The following PLXNA2 variants were observed in gnomAD, a reference collection of about 807,000 sequenced individuals.
PLXNA2 encodes plexin A2, also known as plexin-A2.
A neutral mutation model predicts 193.5 loss-of-function variants in PLXNA2; 91 were observed. The ratio of observed to expected loss-of-function variants is 0.47; its 90% confidence interval spans 0.40 to 0.56. The LOEUF (loss-of-function observed/expected upper bound fraction) is 0.56, where lower values mean the gene tolerates loss of function less well. Among genes scored for constraint, PLXNA2 ranks in the 20% least tolerant of loss-of-function variants. The pLI, the probability that PLXNA2 is intolerant of heterozygous loss-of-function variation, is 0.00. For missense variants in PLXNA2, 1,995 were observed against 2,503.2 expected (o/e 0.80, Z 4.33); for synonymous variants, 997 against 1,027.3 (o/e 0.97, Z 0.56).
intron 12 of PLXNA2, among the ~76,000 whole-genome samples, chr1:208,065,539 C>G (rs1253847448): frequency 6.6e-6 from 1 of 152,138 alleles, no homozygotes; most frequent in Non-Finnish European, 1.5e-5. Context: ...CCTGTGTTTC[C>G]CTGCACCTCT....
chr1:208,090,576 C>A (rs1333222305), intron 9 of PLXNA2, among the ~76,000 whole-genome samples: 2 of 152,150 alleles, frequency 1.3e-5, no homozygotes, highest in Non-Finnish European at 2.9e-5. Flanking sequence ...CACACCCCAG[C>A]AGAGTTTATT....
chr1:208,089,877 C>A (rs2498023), intron 9 of PLXNA2, among the ~76,000 whole-genome samples: 125,236 of 151,952 alleles, frequency 0.82, 52,268 homozygotes, highest in East Asian at 0.89. Flanking sequence ...CTACATGAAA[C>A]TATCAGCTGG....
intron 3 of PLXNA2, among the ~76,000 whole-genome samples, chr1:208,187,413 C>T (rs901521052): frequency 2.8e-4 from 42 of 152,064 alleles, no homozygotes; most frequent in African/African-American, 8.5e-4. Flanking sequence ...TGAGAGAGAC[C>T]GTAGGGAGGC....
intron 1 of PLXNA2, among the ~76,000 whole-genome samples, chr1:208,241,853 G>T (rs567178035): frequency 5.9e-5 from 9 of 152,254 alleles, no homozygotes; most frequent in African/African-American, 1.7e-4. Context: ...GGAGGGGTTG[G>T]TGGTGATGCC....
intron 3 of PLXNA2, among the ~76,000 whole-genome samples, chr1:208,157,351 T>C (rs1668969579): frequency 6.6e-6 from 1 of 152,240 alleles, no homozygotes; most frequent in African/African-American, 2.4e-5. Context: ...TTGTAAGTCA[T>C]CTTAATTCCT....
intron 22 of PLXNA2, among the ~76,000 whole-genome samples, chr1:208,040,969 A>G (rs1301508829): frequency 1.3e-5 from 2 of 152,140 alleles, no homozygotes; most frequent in Non-Finnish European, 2.9e-5. Flanking sequence ...CGTGGTGCAA[A>G]TTATATCCTC....
At chr1:208,229,150 T>G (rs984394678) in intron 1 of PLXNA2, among the ~76,000 whole-genome samples, 1 of 152,162 alleles carries the variant, frequency 6.6e-6, no homozygotes, top group African/African-American at 2.4e-5. Flanking sequence ...TCTTCCTTCC[T>G]TGTCTTTCCC....
chr1:208,159,151 C>A (rs1161492486), intron 3 of PLXNA2, among the ~76,000 whole-genome samples: 1 of 152,176 alleles, frequency 6.6e-6, no homozygotes, highest in Non-Finnish European at 1.5e-5. Flanking sequence ...AATGGGGAAA[C>A]CCCTTCCCTA....
chr1:208,223,374 G>T (rs1359379084), intron 1 of PLXNA2, among the ~76,000 whole-genome samples: 1 of 152,164 alleles, frequency 6.6e-6, no homozygotes, highest in African/African-American at 2.4e-5. Context: ...CTCCATTGTA[G>T]GTGGAAGGGT....
intron 1 of PLXNA2, among the ~76,000 whole-genome samples, chr1:208,222,456 G>A (rs1251892762): frequency 1.3e-5 from 2 of 152,154 alleles, no homozygotes; most frequent in Non-Finnish European, 2.9e-5. Flanking sequence ...CGTTCCTGAT[G>A]CCAAGGAGAG....
chr1:208,066,578 G>C (rs931767437), intron 12 of PLXNA2, among the ~76,000 whole-genome samples: 1 of 152,168 alleles, frequency 6.6e-6, no homozygotes, highest in Non-Finnish European at 1.5e-5. Context: ...CATAATACTT[G>C]ATAATGATGC....
At chr1:208,108,984 C>T (rs993236631) in intron 4 of PLXNA2, among the ~76,000 whole-genome samples, 1 of 152,204 alleles carries the variant, frequency 6.6e-6, no homozygotes, top group African/African-American at 2.4e-5. Flanking sequence ...TGGGCCCCTC[C>T]AAGATTGAGA....
At chr1:208,222,641 G>T (rs574682124) in intron 1 of PLXNA2, among the ~76,000 whole-genome samples, 78 of 152,178 alleles carry the variant, frequency 5.1e-4, no homozygotes, top group Non-Finnish European at 9.7e-4. Flanking sequence ...GGGAAGAAAT[G>T]ACAATCAGGC....
chr1:208,191,401 G>A (rs1161253835), intron 3 of PLXNA2, among the ~76,000 whole-genome samples: 3 of 152,164 alleles, frequency 2.0e-5, no homozygotes, highest in African/African-American at 7.2e-5. Flanking sequence ...TAGATAGAGA[G>A]ATAATGAATG....
intron 4 of PLXNA2, among the ~76,000 whole-genome samples, chr1:208,137,447 T>C (rs1268121285): frequency 6.6e-6 from 1 of 152,236 alleles, no homozygotes; most frequent in Non-Finnish European, 1.5e-5. Context: ...TTTCATCTTG[T>C]TGCTTGGTTT....
chr1:208,152,311 G>A (rs2102499287), intron 3 of PLXNA2, among the ~76,000 whole-genome samples: 1 of 152,086 alleles, frequency 6.6e-6, no homozygotes, highest in African/African-American at 2.4e-5. Flanking sequence ...GTGCAGAAAA[G>A]CCATGGTAAC....
At chr1:208,156,643 T>C (rs1452945843) in intron 3 of PLXNA2, among the ~76,000 whole-genome samples, 1 of 152,224 alleles carries the variant, frequency 6.6e-6, no homozygotes, top group Non-Finnish European at 1.5e-5. Flanking sequence ...TTGTCTTGTG[T>C]ATAATGTTAA....
In PLXNA2 at chr1:208,039,947, C is replaced by T. The variant is rs770322023; in HGVS notation, c.4353+45G>A. 1.9e-6 allele frequency: 3 copies of T among 1,594,684 alleles called. No individual in the cohort carries two copies. The Admixed American group carries it at 5.0e-5, about 27-fold the overall frequency. Reference sequence around the variant, plus strand: ...TGTGGCCAGGATCTAAGCAGCAGTGCCATCCTGCCCTGGACGCTAGGCCCC... The same window carrying T: ...TGTGGCCAGGATCTAAGCAGCAGTGTCATCCTGCCCTGGACGCTAGGCCCC... On this transcript the variant is annotated intron_variant, in intron 23 of 31. Coordinates refer to ENST00000367033, the MANE Select transcript of PLXNA2 (RefSeq NM_025179.4).
intron 26 of PLXNA2, among the ~76,000 whole-genome samples, chr1:208,036,789 A>T (rs542267600): frequency 6.6e-6 from 1 of 152,322 alleles, no homozygotes; most frequent in East Asian, 1.9e-4. Flanking sequence ...GGGAATTGAA[A>T]GTGCTTTGTA....
Sources: allele counts gnomAD v4.1 joint callset (sites outside exome capture counted in the v4.1 genomes callset), GRCh38; gene constraint gnomAD v4.1.1; transcripts MANE v1.5; gene names NCBI Gene and HGNC (gene_info 2026-07-23, HGNC 2026-07-21).